ITGA3: variants seen among roughly 807,000 people sequenced by gnomAD.
The protein encoded by ITGA3 is integrin alpha-3.
Under a neutral mutation model 131.1 loss-of-function variants are expected in ITGA3, and 70 were observed. The observed-to-expected ratio is 0.53, with a 90% CI of 0.44 to 0.65. The LOEUF is 0.65. ITGA3 is among the 30% of genes least tolerant of loss of function. The probability of loss-of-function intolerance (pLI) is 0.00; values close to 1 mark genes in which losing one functional copy is unlikely to be tolerated. For synonymous variants in ITGA3, 537 were observed against 571.6 expected, an observed-to-expected ratio of 0.94 and a Z score of 0.86; for missense variants, 1,098 against 1,388.6, an observed-to-expected ratio of 0.79 and a Z score of 3.33.
chr17:50,088,310 C>T lies in ITGA3; in HGVS notation c.3131C>T (p.Thr1044Ile). ...GAGATGAAGAGCCAGCCGTCAGAGA[C>T]AGAGAGGCTGACCGACGACTACTGA... ...KAEMKSQPSE[T>I]ERLTDDY Residue 1044 changes from threonine (T) to isoleucine (I), a missense_variant, in exon 25 of 26, where the codon ACA (threonine) becomes ATA (isoleucine). Physicochemically the swap from Thr to Ile is moderately conservative, Grantham distance 89. Coordinates refer to ENST00000320031, the MANE Select transcript of ITGA3 (RefSeq NM_002204.4). 1 of 1,586,018 alleles carries T rather than the reference C, an allele frequency of 6.3e-7. No individual in the cohort carries two copies. The highest frequency in any genetic ancestry group is 8.6e-7 in the Non-Finnish European group (1 of 1,166,366).
At position 50,064,241 on chromosome 17, in the gene ITGA3, A is replaced by G; in HGVS notation, c.334+37A>G. On this transcript the variant is annotated intron_variant, in intron 2 of 25. Transcript: ENST00000320031. This position sits in a 1 kb window ranked among gnomAD's most constrained non-coding sequence, Gnocchi z 4.4. ...GGGCTGGGGAGGGGTGCTGGGTCAG[A>G]GGTCTGGCAGGGGGGTACCGCAGAG... The G allele has an allele frequency of 6.3e-7, 1 of 1,581,944 alleles. No individual in the cohort carries two copies.
chr17:50,084,679 G>T (rs1158267016), intron 23 of ITGA3, among the ~76,000 whole-genome samples: 3 of 152,174 alleles, frequency 2.0e-5, no homozygotes, highest in Non-Finnish European at 2.9e-5. Flanking sequence ...TAACACTTTG[G>T]GAGGCCAAGG....
chr17:50,078,020 C>G (rs1006579142), intron 16 of ITGA3, 26 bp from the exon 17 acceptor site: 3 of 1,593,318 alleles, frequency 1.9e-6, no homozygotes, highest in South Asian at 1.1e-5. Flanking sequence ...ATATGCCACT[C>G]TCTGCCTCCC....
intron 23 of ITGA3, 45 bp downstream of exon 23, chr17:50,081,453 T>G: frequency 7.3e-7 from 1 of 1,370,730 alleles, no homozygotes; most frequent in Non-Finnish European, 1.0e-6. Context: ...AGCCAGAGCT[T>G]GAGAGTACAG....
At chr17:50,088,200 C>A in intron 24 of ITGA3, 25 bp from the exon 25 acceptor site, 1 of 1,546,526 alleles carries the variant, frequency 6.5e-7, no homozygotes, top group Non-Finnish European at 8.7e-7. Context: ...CCTGATGGCC[C>A]GTCCCCACCT....
In ITGA3 at chr17:50,056,337, G is replaced by T. The variant is rs895492866; in HGVS notation, c.-103G>T. 3.5e-4 allele frequency: 279 copies of T among 793,298 alleles called. 1 individual carries two copies. Among genetic ancestry groups the T allele is most frequent in the Non-Finnish European group, 3.2e-4 (173 of 543,254 alleles). 49.1% of individuals were successfully genotyped at this position (793,298 alleles called of 1,614,324 possible). On this transcript the variant is annotated 5_prime_UTR_variant, in exon 1 of 26. Coordinates refer to ENST00000320031, the MANE Select transcript of ITGA3 (RefSeq NM_002204.4). This position sits in a 1 kb window ranked among gnomAD's most constrained non-coding sequence, Gnocchi z 5.6. ...CGCTACGGAGCGCAGCGGCCGGCGG[G>T]TTCCAGTGTCCTCCGGCGGCGCGGG...
At position 50,081,416 on chromosome 17, in the gene ITGA3, C is replaced by T. The variant is rs374813254; in HGVS notation, c.2919+8C>T. The T allele has an allele frequency of 2.2e-5, 35 of 1,556,682 alleles. No homozygotes were observed. The African/African-American group carries it at 3.0e-4, about 13-fold the overall frequency. On this transcript the variant is annotated splice_region_variant and intron_variant, in intron 23 of 25. Transcript: ENST00000320031. ...GAGAACAAGACCACGTGGGTGAGTGCGCATGTTCACTAGGACAGCAGTCTC... is the reference window on the plus strand; with the variant it reads ...GAGAACAAGACCACGTGGGTGAGTGTGCATGTTCACTAGGACAGCAGTCTC...
At position 50,090,347 on chromosome 17, in the gene ITGA3, C is replaced by G; in HGVS notation, c.*1269C>G. 2.3e-6 allele frequency: 1 copy of G among 429,042 alleles called. No individual in the cohort carries two copies. Among genetic ancestry groups the G allele is most frequent in the Non-Finnish European group, 4.8e-6 (1 of 206,270 alleles). The allele number at this position is 429,042 out of a possible 1,614,324, so 26.6% of individuals were successfully genotyped here. On this transcript the variant is annotated 3_prime_UTR_variant, in exon 26 of 26. Transcript: ENST00000320031. ...TAGTTCCAGAAAACCTCTCCTGACCCCTGCCTGTTGGCAGGCCCACTCCCC... is the reference window on the plus strand; with the variant it reads ...TAGTTCCAGAAAACCTCTCCTGACCGCTGCCTGTTGGCAGGCCCACTCCCC...
At chr17:50,088,003 T>A in intron 24 of ITGA3, 134 bp downstream of exon 24, 1 of 1,331,408 alleles carries the variant, frequency 7.5e-7, no homozygotes, top group Non-Finnish European at 1.0e-6. Context: ...CTCTCCACCT[T>A]CTACCACCAG....
rs1424148876 is a variant in ITGA3, at chr17:50,077,050, G to C, written c.1999G>C (p.Gly667Arg). The C allele has an allele frequency of 2.5e-6, 4 of 1,606,842 alleles. No individual in the cohort carries two copies. The highest frequency in any genetic ancestry group is 3.4e-5 in the Admixed American group (2 of 59,508). ...VTNTRTSERS[G>R]EDAHEALLTL... The stretch of plus-strand genomic sequence containing the variant: ...GAACACCCGGACCTCGGAGCGCTCC[G>C]GGGAGGACGCCCACGAGGCGCTGCT... The change falls in exon 15 of 26, where the codon GGG becomes CGG. Residue 667 changes from glycine to arginine, a missense_variant. This residue lies in a region of ITGA3 where 699 missense variants were observed against 829.2 expected (regional missense o/e 0.84). Coordinates refer to ENST00000320031, the MANE Select transcript of ITGA3 (RefSeq NM_002204.4).
intron 7 of ITGA3, among the ~76,000 whole-genome samples, chr17:50,073,481 C>T (rs745604930): frequency 6.6e-6 from 1 of 152,042 alleles, no homozygotes; most frequent in Non-Finnish European, 1.5e-5. Flanking sequence ...GTCCCAGCTA[C>T]TTGGGAGGCT....
intron 13 of ITGA3, 38 bp from the exon 14 acceptor site, chr17:50,076,546 G>A (rs755775347): frequency 6.2e-7 from 1 of 1,608,694 alleles, no homozygotes; most frequent in Non-Finnish European, 8.5e-7. Flanking sequence ...GGCACTGGGG[G>A]GGGTGGTGCG....
Position 50,071,197 on chromosome 17 carries a change from T to G in ITGA3, c.752-114T>G, listed in dbSNP as rs1054897358. 3 of 966,584 alleles carry G rather than the reference T, an allele frequency of 3.1e-6. No homozygotes were observed. The African/African-American group carries it at 4.9e-5, about 16-fold the overall frequency. 59.9% of individuals were successfully genotyped at this position (966,584 alleles called of 1,614,324 possible). On this transcript the variant is annotated intron_variant, in intron 5 of 25. Transcript: ENST00000320031. ...GTCTACTTTCTTGCCCTACTTGGAA[T>G]AGTGGGATAGAACATCATGGTGGGG... is the stretch of plus-strand genomic sequence containing the variant.
chr17:50,078,336 G>C (rs764674126), intron 18 of ITGA3, 52 bp downstream of exon 18: 13 of 1,506,380 alleles, frequency 8.6e-6, no homozygotes, highest in Non-Finnish European at 1.2e-5. Context: ...CCTAAGCTAG[G>C]GTTCCCTATC....
chr17:50,072,210 C>G, intron 7 of ITGA3, 28 bp downstream of exon 7: 1 of 1,587,498 alleles, frequency 6.3e-7, no homozygotes, highest in Non-Finnish European at 8.6e-7. Context: ...TCCCCCAGCA[C>G]CCCTCCTCCA....
At chr17:50,084,960 C>A (rs1909322816) in intron 23 of ITGA3, among the ~76,000 whole-genome samples, 1 of 152,070 alleles carries the variant, frequency 6.6e-6, no homozygotes, top group Non-Finnish European at 1.5e-5. Flanking sequence ...CGCCTGTAAT[C>A]CCAGCACTTT....
intron 4 of ITGA3, among the ~76,000 whole-genome samples, chr17:50,070,377 G>A (rs1353997213): frequency 1.3e-5 from 2 of 152,166 alleles, no homozygotes; most frequent in African/African-American, 2.4e-5. Context: ...CAGGCACAGT[G>A]GCTGACACCT....
At chr17:50,087,492 T>C (rs1431485456) in intron 23 of ITGA3, 1 of 434,266 alleles carries the variant, frequency 2.3e-6, no homozygotes, top group Non-Finnish European at 4.2e-6. Context: ...GATGTGTGGG[T>C]CACACACCCA....
intron 16 of ITGA3, 29 bp from the exon 17 acceptor site, chr17:50,078,017 A>T: frequency 6.3e-7 from 1 of 1,588,884 alleles, no homozygotes. Flanking sequence ...CCCATATGCC[A>T]CTCTCTGCCT....
Sources: allele counts gnomAD v4.1 joint callset (sites outside exome capture counted in the v4.1 genomes callset), GRCh38; gene constraint gnomAD v4.1.1; regional missense constraint gnomAD v4.1.1; non-coding constraint Gnocchi (gnomAD v3.1); transcripts MANE v1.5; gene names NCBI Gene and HGNC (gene_info 2026-07-23, HGNC 2026-07-21).